MUC5AC: variants seen among roughly 807,000 people sequenced by gnomAD.
MUC5AC encodes mucin-5AC.
In MUC5AC, 158 loss-of-function variants were observed where a neutral mutation model predicts 169.7. The observed-to-expected ratio is 0.93, with a 90% CI of 0.82 to 1.06. The LOEUF is 1.06. MUC5AC is among the 50% of genes least tolerant of loss of function. The pLI is 0.00. For missense variants in MUC5AC, 4,359 were observed against 3,089.9 expected (o/e 1.41, Z -9.74); for synonymous variants, 1,975 against 1,237.0 (o/e 1.60, Z -12.52).
chr11:1,170,123 CCATT>C (rs1860459650), intron 15 of MUC5AC, among the ~76,000 whole-genome samples: 2 of 113,950 alleles, frequency 1.8e-5, no homozygotes, highest in Non-Finnish European at 3.7e-5. Flanking sequence ...ACCCATTCAC[CCATT>C]CACTCACTCA....
rs930325768 is a variant in MUC5AC at position 1,178,653 on chromosome 11, C to T, written c.3297C>T (p.His1099=). ...CCCAGAAGCAGTGCAGCATCCTCCA[C>T]GGCCCCACCTTCGCCGCCTGCCACG... ...SWAQKQCSIL[H]GPTFAACHAH... is the part of the protein sequence containing the mutation. Residue 1099 remains histidine (H), a synonymous_variant, in exon 25 of 49, where the codon CAC becomes CAT. Coordinates refer to ENST00000621226, the MANE Select transcript of MUC5AC (RefSeq NM_001304359.2). 4.2e-5 allele frequency: 56 copies of T among 1,340,268 alleles called. No homozygotes were observed. Among genetic ancestry groups the T allele is most frequent in the Middle Eastern group, 2.1e-4 (1 of 4,838 alleles). 83.0% of individuals were successfully genotyped at this position (1,340,268 alleles called of 1,614,324 possible).
intron 41 of MUC5AC, 90 bp from the exon 42 acceptor site, chr11:1,197,813 G>A: frequency 6.1e-6 from 4 of 656,832 alleles, no homozygotes; most frequent in Admixed American, 4.4e-5. Context: ...GGGCTGTCTA[G>A]GCGGTCCGCA....
chr11:1,176,452 G>A (rs2133744690), intron 20 of MUC5AC, 62 bp from the exon 21 acceptor site: 3 of 398,904 alleles, frequency 7.5e-6, no homozygotes, highest in South Asian at 2.5e-4. Context: ...AGCTGTCCCT[G>A]GGAGGACCTG....
At position 1,186,285 on chromosome 11, in the gene MUC5AC, A is replaced by G. The variant is rs1373202607; in HGVS notation, c.8140A>G (p.Thr2714Ala). Residue 2714 changes from threonine to alanine, a missense_variant, in exon 31 of 49, where the codon ACA (threonine) becomes GCA (alanine). By Grantham distance (58) the Thr-to-Ala change is moderately conservative. Coordinates refer to ENST00000621226, the MANE Select transcript of MUC5AC (RefSeq NM_001304359.2). ...PTTSTTSAPT[T>A]STTSAPTTST... ...CACCAGCACAACCTCTGCTCCCACAACAAGCACAACCTCTGCCCCTACAAC... is the reference window on the plus strand; with the variant it reads ...CACCAGCACAACCTCTGCTCCCACAGCAAGCACAACCTCTGCCCCTACAAC... 1.2e-5 allele frequency: 9 copies of G among 733,806 alleles called. No individual in the cohort carries two copies. The highest frequency in any genetic ancestry group is 8.6e-5 in the African/African-American group (5 of 57,906). The allele number at this position is 733,806 out of a possible 1,614,324, so 45.5% of individuals were successfully genotyped here. A position where few individuals can be genotyped will look rare whatever the true frequency, so the allele number is the denominator to read the frequency against.
Position 1,168,970 on chromosome 11 carries a change from C to T in MUC5AC, c.1814C>T (p.Ala605Val), listed in dbSNP as rs770017652. The change falls in exon 15 of 49, where the codon GCC becomes GTC. Residue 605 changes from alanine to valine, a missense_variant. Coordinates refer to ENST00000621226, the MANE Select transcript of MUC5AC (RefSeq NM_001304359.2). ...TTCAACACCTTCAAGACCCAGGCCG[C>T]CTGCCCCAACATCAGGAACAGCTTC... ...AFFNTFKTQA[A>V]CPNIRNSFED... 4.3e-6 allele frequency: 7 copies of T among 1,610,978 alleles called. No individual in the cohort carries two copies. The South Asian group carries it at 6.6e-5, about 15-fold the overall frequency.
intron 40 of MUC5AC, among the ~76,000 whole-genome samples, chr11:1,197,265 C>T (rs984526486): frequency 1.2e-4 from 19 of 152,178 alleles, no homozygotes; most frequent in African/African-American, 4.3e-4. Flanking sequence ...GGCCAGTCAC[C>T]CCACAGCCTG....
Position 1,200,633 on chromosome 11 carries a change from AC to A in MUC5AC, c.16899del (p.Glu5634SerfsTer114), listed in dbSNP as rs1196778180. 1 of 763,848 alleles carries A rather than the reference AC, an allele frequency of 1.3e-6. No individual in the cohort carries two copies. Among genetic ancestry groups the A allele is most frequent in the Non-Finnish European group, 2.4e-6 (1 of 417,054 alleles). The allele number at this position is 763,848 out of a possible 1,614,324, so 47.3% of individuals were successfully genotyped here. ...GDTQHSEEAE[P>X]EPSQEAESGS... ...ACACCCAGCACTCGGAGGAGGCGGA[AC>A]CCGAGCCCAGCCAGGAGGCAGAGAG... On this transcript the variant is annotated frameshift_variant, in exon 49 of 49. Coordinates refer to ENST00000621226, the MANE Select transcript of MUC5AC (RefSeq NM_001304359.2). LOFTEE classifies it low-confidence loss of function (END_TRUNC).
intron 1 of MUC5AC, 100 bp downstream of exon 1, chr11:1,158,172 A>C: frequency 9.0e-7 from 1 of 1,111,288 alleles, no homozygotes; most frequent in Non-Finnish European, 1.3e-6. Flanking sequence ...GGCAGGCTGC[A>C]TGTGCCATGA....
chr11:1,160,544 C>G (rs1860109923), intron 1 of MUC5AC, 68 bp from the exon 2 acceptor site: 1 of 1,382,838 alleles, frequency 7.2e-7, no homozygotes, highest in South Asian at 1.2e-5. Flanking sequence ...CATGCTGCAT[C>G]TGTGGCCGCA....
chr11:1,162,871 C>A, intron 5 of MUC5AC, 84 bp from the exon 6 acceptor site: 1 of 1,382,648 alleles, frequency 7.2e-7, no homozygotes, highest in Non-Finnish European at 1.0e-6. Context: ...GGGCCTCGGC[C>A]CCTCCTCGGA....
Position 1,197,973 on chromosome 11 carries a change from G to T in MUC5AC, c.16104G>T (p.Gln5368His). ...GCGCCCGCGCGATCCCGACCTACCA[G>T]GAGGGGGCCTGCTGCCCAGTCCAAA... The part of the protein sequence containing the change: ...PEGARAIPTY[Q>H]EGACCPVQNC... Residue 5368 changes from glutamine to histidine, a missense_variant, in exon 42 of 49, where the codon CAG becomes CAT. By Grantham distance (24) the Gln-to-His change is conservative. Coordinates refer to ENST00000621226, the MANE Select transcript of MUC5AC (RefSeq NM_001304359.2). 1.4e-6 allele frequency: 1 copy of T among 730,914 alleles called. No homozygotes were observed. The highest frequency in any genetic ancestry group is 2.5e-5 in the East Asian group (1 of 39,966). 45.3% of individuals were successfully genotyped at this position (730,914 alleles called of 1,614,324 possible). A position where few individuals can be genotyped will look rare whatever the true frequency, so the allele number is the denominator to read the frequency against.
Position 1,195,253 on chromosome 11 carries a change from AC to A in MUC5AC, c.15435del (p.Ile5146SerfsTer4), listed in dbSNP as rs1861240823. ...TTPPAPCLPS[P>X]ICQLILSKVF... Reference sequence around the variant, plus strand: ...CACCGCCTGCTCCGTGCCTGCCATCACCCATCTGCCAGCTGATTCTGAGCAA... The same window carrying A: ...CACCGCCTGCTCCGTGCCTGCCATCACCATCTGCCAGCTGATTCTGAGCAA... On this transcript the variant is annotated frameshift_variant, in exon 36 of 49. Coordinates refer to ENST00000621226, the MANE Select transcript of MUC5AC (RefSeq NM_001304359.2). LOFTEE classifies it high-confidence loss of function. The A allele has an allele frequency of 1.3e-6, 1 of 762,180 alleles. No individual in the cohort carries two copies. The allele number at this position is 762,180 out of a possible 1,614,324, so 47.2% of individuals were successfully genotyped here.
rs1042074595 is a variant in MUC5AC, at chr11:1,192,613, G to A, written c.14380+88G>A. On this transcript the variant is annotated intron_variant, in intron 31 of 48. Transcript: ENST00000621226. ...ACGCCAAGCTGTGATGATGATAGGA[G>A]TCTCTGCTCTTTGTGGCACAGGCTC... is the stretch of plus-strand genomic sequence containing the variant. 2.9e-5 allele frequency: 21 copies of A among 713,656 alleles called. No individual in the cohort carries two copies. The African/African-American group carries it at 3.6e-4, about 12-fold the overall frequency. 44.2% of individuals were successfully genotyped at this position (713,656 alleles called of 1,614,324 possible).
chr11:1,173,948 C>T (rs1446165249), intron 16 of MUC5AC, among the ~76,000 whole-genome samples: 1 of 152,198 alleles, frequency 6.6e-6, no homozygotes, highest in Non-Finnish European at 1.5e-5. Flanking sequence ...CTCATTCATT[C>T]CTTCACTCAC....
At chr11:1,172,379 G>T in intron 15 of MUC5AC, 50 bp from the exon 16 acceptor site, 1 of 398,708 alleles carries the variant, frequency 2.5e-6, no homozygotes, top group South Asian at 1.3e-4. Context: ...TGGGTGGGAT[G>T]AGTGTGCTGC....
rs1860995909 is a variant in MUC5AC at position 1,188,007 on chromosome 11, G to T, written c.9862G>T (p.Val3288Leu). 3.9e-6 allele frequency: 3 copies of T among 760,076 alleles called. No homozygotes were observed. The highest frequency in any genetic ancestry group is 7.2e-6 in the Non-Finnish European group (3 of 414,734). The allele number at this position is 760,076 out of a possible 1,614,324, so 47.1% of individuals were successfully genotyped here. A position where few individuals can be genotyped will look rare whatever the true frequency, so the allele number is the denominator to read the frequency against. Residue 3288 changes from valine (V) to leucine (L), a missense_variant, in exon 31 of 49, where the codon GTG becomes TTG. Val to Leu is a conservative substitution (Grantham distance 32). Coordinates refer to ENST00000621226, the MANE Select transcript of MUC5AC (RefSeq NM_001304359.2). ...GAGCATTGAACACCTGGGCCAGGTG[G>T]TGCAGTGCAGCCGTGAAGAGGGCCT... ...EVSIEHLGQV[V>L]QCSREEGLVC...
chr11:1,188,559 T>A lies in MUC5AC; in HGVS notation c.10414T>A (p.Ser3472Thr). Residue 3472 changes from serine to threonine, a missense_variant, in exon 31 of 49, where the codon TCA becomes ACA. By Grantham distance (58) the Ser-to-Thr change is moderately conservative (BLOSUM62 1). Transcript: ENST00000621226. ...TTSTPQTSKT[S>T]AATSSTTSGS... is the part of the protein sequence containing the mutation. ...CTCCACTCCACAGACCAGCAAAACC[T>A]CAGCTGCTACAAGCAGCACAACCTC... 2 of 760,436 alleles carry A rather than the reference T, an allele frequency of 2.6e-6. No individual in the cohort carries two copies. Among genetic ancestry groups the A allele is most frequent in the Non-Finnish European group, 4.8e-6 (2 of 415,328 alleles). 47.1% of individuals were successfully genotyped at this position (760,436 alleles called of 1,614,324 possible).
rs957530421 is a variant in MUC5AC at position 1,158,115 on chromosome 11, C to T, written c.73+43C>T. 2.0e-5 allele frequency: 31 copies of T among 1,535,570 alleles called. No homozygotes were observed. The Middle Eastern group carries it at 5.7e-4, about 28-fold the overall frequency. On this transcript the variant is annotated intron_variant, in intron 1 of 48. Transcript: ENST00000621226. Reference sequence around the variant, plus strand: ...GCCGCTCTACTGGTCCTGGGTGGTGCGGTACTGAGTGGGCCTCAGGCAGCT... The same window carrying T: ...GCCGCTCTACTGGTCCTGGGTGGTGTGGTACTGAGTGGGCCTCAGGCAGCT...
intron 6 of MUC5AC, 146 bp downstream of exon 6, chr11:1,163,191 T>C (rs950197413): frequency 2.7e-5 from 21 of 778,410 alleles, no homozygotes; most frequent in Non-Finnish European, 4.1e-5. Context: ...AGCACACACG[T>C]GCACACACGC....
Sources: allele counts gnomAD v4.1 joint callset (sites outside exome capture counted in the v4.1 genomes callset), GRCh38; gene constraint gnomAD v4.1.1; transcripts MANE v1.5; gene names NCBI Gene and HGNC (gene_info 2026-07-23, HGNC 2026-07-21).